The following HTR4 variants were observed in gnomAD, a reference collection of about 807,000 sequenced individuals.
HTR4 encodes the protein 5-hydroxytryptamine receptor 4, also known as 5-hydroxytryptamine (serotonin) receptor 4, G protein-coupled.
Under a neutral mutation model 36.8 loss-of-function variants are expected in HTR4, and 16 were observed. The observed-to-expected ratio is 0.43, with a 90% CI of 0.29 to 0.66. The LOEUF (loss-of-function observed/expected upper bound fraction) is 0.66. Ranked by LOEUF, HTR4 falls within the 30% of genes least tolerant of loss-of-function variation. HTR4 has a pLI of 0.13. For synonymous variants in HTR4, 189 were observed against 185.1 expected (o/e 1.02, Z -0.17); for missense variants, 438 against 490.9 (o/e 0.89, Z 1.02).
At chr5:148,495,938 TA>T (rs1201972713) in intron 6 of HTR4, among the ~76,000 whole-genome samples, 2 of 152,016 alleles carry the variant, frequency 1.3e-5, no homozygotes, top group Non-Finnish European at 2.9e-5. Flanking sequence ...CTGTCTCTAT[TA>T]AAAATACAAA....
intron 2 of HTR4, among the ~76,000 whole-genome samples, chr5:148,586,119 A>C (rs553510363): frequency 6.6e-6 from 1 of 151,814 alleles, no homozygotes; most frequent in South Asian, 2.1e-4. Flanking sequence ...TTTTTTCCAC[A>C]TGTTTGTTGT....
At chr5:148,469,911 A>G (rs1004541108) in intron 5 of HTR4, among the ~76,000 whole-genome samples, 20 of 152,234 alleles carry the variant, frequency 1.3e-4, no homozygotes, top group African/African-American at 4.6e-4. Context: ...TTCCTGGCTC[A>G]GTATCTAACT....
At chr5:148,530,507 G>A (rs769453417) in intron 4 of HTR4, among the ~76,000 whole-genome samples, 8 of 152,190 alleles carry the variant, frequency 5.3e-5, no homozygotes, top group Non-Finnish European at 2.9e-5. Context: ...TAAGGTTTGG[G>A]AACCTCCACC....
chr5:148,533,210 C>T (rs934964777), intron 4 of HTR4, among the ~76,000 whole-genome samples: 5 of 152,180 alleles, frequency 3.3e-5, no homozygotes, highest in African/African-American at 7.2e-5. Context: ...TCCCATTCTT[C>T]CTTAACCAGA....
intron 2 of HTR4, among the ~76,000 whole-genome samples, chr5:148,597,029 C>T (rs1761805018): frequency 6.6e-6 from 1 of 152,134 alleles, no homozygotes. Flanking sequence ...AGTAGGACAT[C>T]CTTTCCAGAA....
chr5:148,615,153 C>T (rs1419346882), intron 2 of HTR4, among the ~76,000 whole-genome samples: 18 of 151,436 alleles, frequency 1.2e-4, no homozygotes. Flanking sequence ...CTAGAAATAC[C>T]ATTTGACCCA....
Position 148,509,956 on chromosome 5 carries a change from G to A in HTR4, c.576C>T (p.Tyr192=), listed in dbSNP as rs146506333. Residue 192 remains tyrosine, a synonymous_variant, in exon 6 of 7, where the codon TAC becomes TAT. Coordinates refer to ENST00000377888, the MANE Select transcript of HTR4 (RefSeq NM_000870.7). Reference sequence around the variant, plus strand: ...AGGCCACCACAGAGCAGGTGATGGCGTAGGGCTTGTTGACCATGAAGACAC... The same window carrying A: ...AGGCCACCACAGAGCAGGTGATGGCATAGGGCTTGTTGACCATGAAGACAC... ...TYCVFMVNKP[Y]AITCSVVAFY... is the part of the protein sequence containing the mutation. 838 of 1,613,830 alleles carry A rather than the reference G, an allele frequency of 5.2e-4. 6 individuals are homozygous for A. Among genetic ancestry groups the A allele is most frequent in the Non-Finnish European group, 3.8e-4 (445 of 1,179,870 alleles).
At chr5:148,644,422 G>GTTT (rs1175588280) in intron 1 of HTR4, among the ~76,000 whole-genome samples, 835 of 40,646 alleles carry the variant, frequency 0.021, 151 homozygotes, top group Middle Eastern at 0.071. Flanking sequence ...AAGCTCACAA[G>GTTT]TTTTTTTTTT....
chr5:148,610,464 G>A (rs533263346), intron 2 of HTR4, among the ~76,000 whole-genome samples: 119 of 152,260 alleles, frequency 7.8e-4, no homozygotes, highest in African/African-American at 2.8e-3. Flanking sequence ...GCAGCTGAGG[G>A]TCCTGTCTGC....
At chr5:148,611,595 G>A (rs1428202749) in intron 2 of HTR4, among the ~76,000 whole-genome samples, 3 of 145,658 alleles carry the variant, frequency 2.1e-5, no homozygotes, top group African/African-American at 5.1e-5. Context: ...AAAGACCATC[G>A]AGACTAGGAA....
chr5:148,564,802 C>T lies in HTR4; in HGVS notation c.27-14540G>A, dbSNP rs546229558. On this transcript the variant is annotated intron_variant, in intron 2 of 6. Coordinates refer to ENST00000377888, the MANE Select transcript of HTR4 (RefSeq NM_000870.7). ...TATTTTCTAGTCATGTCCTGGGCAC[C>T]GAAGTTGTTATAAAGATTAATAAAT... 2.3e-3 allele frequency among the ~76,000 whole-genome samples: 351 copies of T among 152,088 alleles called. 3 individuals carry two copies. The highest frequency in any genetic ancestry group is 8.2e-3 in the African/African-American group (340 of 41,504).
intron 6 of HTR4, among the ~76,000 whole-genome samples, chr5:148,494,680 A>T (rs1422938677): frequency 6.6e-6 from 1 of 152,220 alleles, no homozygotes; most frequent in African/African-American, 2.4e-5. Flanking sequence ...TTCCAGAGAG[A>T]AGGCACATAT....
At chr5:148,638,568 C>T (rs879417704) in intron 1 of HTR4, among the ~76,000 whole-genome samples, 2 of 152,156 alleles carry the variant, frequency 1.3e-5, no homozygotes, top group Non-Finnish European at 2.9e-5. Context: ...GCCCATCCAG[C>T]ATCTCAAGAT....
At position 148,541,378 on chromosome 5, in the gene HTR4, C is replaced by T. The variant is rs138071422; in HGVS notation, c.353+7290G>A. Among the ~76,000 whole-genome samples the T allele has an allele frequency of 2.6e-3, 396 of 152,258 alleles. 13 individuals carry two copies. In the East Asian group the frequency reaches 0.041, roughly 16 times the overall value. On this transcript the variant is annotated intron_variant, in intron 4 of 6. Transcript: ENST00000377888. ...ATTATGTTCCAGAAAGAAAAACACACGAATAGATAAGATAAGGCCTACTCT... is the reference window on the plus strand; with the variant it reads ...ATTATGTTCCAGAAAGAAAAACACATGAATAGATAAGATAAGGCCTACTCT...
chr5:148,602,847 A>C (rs941164484), intron 2 of HTR4, among the ~76,000 whole-genome samples: 1 of 152,150 alleles, frequency 6.6e-6, no homozygotes, highest in African/African-American at 2.4e-5. Context: ...AAAAGTAATA[A>C]ACATGTAAGC....
intron 5 of HTR4, among the ~76,000 whole-genome samples, chr5:148,457,786 A>ATATAT: frequency 7.2e-6 from 1 of 139,356 alleles, no homozygotes. Flanking sequence ...ATATATTTTG[A>ATATAT]CATATCATTA....
chr5:148,622,986 TA>T (rs1752968925), intron 2 of HTR4, among the ~76,000 whole-genome samples: 1 of 152,066 alleles, frequency 6.6e-6, no homozygotes, highest in Non-Finnish European at 1.5e-5. Context: ...AGGGAGGGAC[TA>T]GGGGGATAAA....
At chr5:148,561,754 A>T (rs1449142343) in intron 2 of HTR4, among the ~76,000 whole-genome samples, 1 of 151,960 alleles carries the variant, frequency 6.6e-6, no homozygotes, top group African/African-American at 2.4e-5. Flanking sequence ...TATTCCTGTG[A>T]TTATGAGAAA....
intron 2 of HTR4, among the ~76,000 whole-genome samples, chr5:148,582,087 C>T (rs947243539): frequency 2.6e-5 from 4 of 151,852 alleles, no homozygotes; most frequent in African/African-American, 9.7e-5. Context: ...CTTTTTGATC[C>T]TATTGTAAAT....
Sources: allele counts gnomAD v4.1 joint callset (sites outside exome capture counted in the v4.1 genomes callset), GRCh38; gene constraint gnomAD v4.1.1; transcripts MANE v1.5; gene names NCBI Gene and HGNC (gene_info 2026-07-23, HGNC 2026-07-21).